The following KCNQ5 variants were observed in gnomAD, a reference collection of about 807,000 sequenced individuals.
KCNQ5 encodes potassium voltage-gated channel subfamily KQT member 5.
A neutral mutation model predicts 98.2 loss-of-function variants in KCNQ5; 30 were observed. The observed-to-expected ratio is 0.31, with a 90% CI of 0.23 to 0.41. KCNQ5 has a LOEUF of 0.41. Among genes scored for constraint, KCNQ5 ranks in the 10% least tolerant of loss-of-function variants. The pLI, the probability that KCNQ5 is intolerant of heterozygous loss-of-function variation, is 1.00. For synonymous variants in KCNQ5, 458 were observed against 449.4 expected, an observed-to-expected ratio of 1.02 and a Z score of -0.24; for missense variants, 835 against 1,182.5, an observed-to-expected ratio of 0.71 and a Z score of 4.31.
chr6:72,738,774 A>G (rs1332374180), intron 1 of KCNQ5, among the ~76,000 whole-genome samples: 1 of 152,184 alleles, frequency 6.6e-6, no homozygotes, highest in Admixed American at 6.5e-5. Context: ...TTCAATGCAT[A>G]TTACTAAGTG....
intron 6 of KCNQ5, among the ~76,000 whole-genome samples, chr6:73,108,313 C>T (rs1775086114): frequency 6.6e-6 from 1 of 152,142 alleles, no homozygotes; most frequent in Admixed American, 6.5e-5. Flanking sequence ...TTGTCTTCTG[C>T]TAGATATTCC....
intron 1 of KCNQ5, among the ~76,000 whole-genome samples, chr6:72,698,661 T>C (rs1333985019): frequency 6.9e-6 from 1 of 144,134 alleles, no homozygotes; most frequent in Non-Finnish European, 1.5e-5. Flanking sequence ...TTTTTTTTTT[T>C]TTTTTTTTTG....
intron 1 of KCNQ5, among the ~76,000 whole-genome samples, chr6:72,812,143 C>T (rs1775272658): frequency 6.6e-6 from 1 of 152,096 alleles, no homozygotes; most frequent in African/African-American, 2.4e-5. Flanking sequence ...CTTTCATTGC[C>T]GTCTTTGTTT....
At chr6:72,870,982 G>T (rs1291032534) in intron 1 of KCNQ5, among the ~76,000 whole-genome samples, 32 of 152,102 alleles carry the variant, frequency 2.1e-4, no homozygotes, top group Admixed American at 2.1e-3. Context: ...CTAAAATCTT[G>T]AAAAGAATAG....
chr6:73,193,351 G>A (rs1280556520), intron 13 of KCNQ5, among the ~76,000 whole-genome samples: 2 of 151,828 alleles, frequency 1.3e-5, no homozygotes, highest in East Asian at 3.9e-4. Flanking sequence ...AACAAGGCCG[G>A]GTGTGGTGGC....
intron 1 of KCNQ5, among the ~76,000 whole-genome samples, chr6:72,984,464 G>A (rs183382991): frequency 3.5e-4 from 53 of 152,298 alleles, no homozygotes; most frequent in East Asian, 5.8e-4. Context: ...GTTTGATCTT[G>A]GACTGCTGTG....
rs369994615 is a variant in KCNQ5 at position 72,622,089 on chromosome 6, C to G, written c.-101C>G. 26 of 1,061,078 alleles carry G rather than the reference C, an allele frequency of 2.5e-5. No individual in the cohort carries two copies. The highest frequency in any genetic ancestry group is 3.5e-4 in the Middle Eastern group (1 of 2,832). The allele number at this position is 1,061,078 out of a possible 1,614,324, so 65.7% of individuals were successfully genotyped here. A position where few individuals can be genotyped will look rare whatever the true frequency, so the allele number is the denominator to read the frequency against. On this transcript the variant is annotated 5_prime_UTR_variant, in exon 1 of 14. Coordinates refer to ENST00000370398, the MANE Select transcript of KCNQ5 (RefSeq NM_019842.4). The surrounding 1 kb of genome is among the most constrained non-coding windows in gnomAD (Gnocchi z 6.0). ...AGAGGTCTCTGGCTGGCGGGCGCCC[C>G]GTCGGCCGCCGGCTTCCTCCTTGAA... is the stretch of plus-strand genomic sequence containing the variant.
intron 1 of KCNQ5, among the ~76,000 whole-genome samples, chr6:72,779,997 G>C (rs1773377113): frequency 6.6e-6 from 1 of 152,080 alleles, no homozygotes; most frequent in Non-Finnish European, 1.5e-5. Context: ...ACCATGCTGA[G>C]CCATGAGTGG....
chr6:72,690,195 C>T (rs1168917716), intron 1 of KCNQ5, among the ~76,000 whole-genome samples: 2 of 151,882 alleles, frequency 1.3e-5, no homozygotes, highest in Non-Finnish European at 2.9e-5. Context: ...TCGCCTGAAC[C>T]CAGAAGCCAG....
At chr6:73,018,359 G>C (rs1770446396) in intron 2 of KCNQ5, among the ~76,000 whole-genome samples, 1 of 152,144 alleles carries the variant, frequency 6.6e-6, no homozygotes, top group Non-Finnish European at 1.5e-5. Context: ...CAAGTGGGCT[G>C]TGTGATGAGT....
At chr6:72,949,325 C>CA (rs969697976) in intron 1 of KCNQ5, among the ~76,000 whole-genome samples, 2 of 152,152 alleles carry the variant, frequency 1.3e-5, no homozygotes, top group African/African-American at 4.8e-5. Flanking sequence ...TTACATGTGG[C>CA]AAATAGCATT....
intron 13 of KCNQ5, among the ~76,000 whole-genome samples, chr6:73,193,924 C>A (rs1430967155): frequency 6.6e-6 from 1 of 150,388 alleles, no homozygotes; most frequent in African/African-American, 2.5e-5. Flanking sequence ...GCAGCCTCTA[C>A]CTCCTGGGCT....
chr6:72,997,550 CG>C (rs1025719278), intron 1 of KCNQ5, among the ~76,000 whole-genome samples: 1 of 150,348 alleles, frequency 6.7e-6, no homozygotes, highest in African/African-American at 2.4e-5. Context: ...TAGAGGCGGG[CG>C]GATCACGAGG....
intron 1 of KCNQ5, among the ~76,000 whole-genome samples, chr6:72,982,433 T>G (rs926251928): frequency 7.9e-5 from 12 of 152,024 alleles, no homozygotes; most frequent in Non-Finnish European, 1.5e-4. Context: ...TTGTCTCTTT[T>G]GATCTTTGTT....
chr6:72,851,193 T>C (rs1381065900), intron 1 of KCNQ5, among the ~76,000 whole-genome samples: 1 of 152,116 alleles, frequency 6.6e-6, no homozygotes, highest in African/African-American at 2.4e-5. Context: ...CATATGAAGG[T>C]TTTTTAATGG....
intron 11 of KCNQ5, among the ~76,000 whole-genome samples, chr6:73,185,224 G>A (rs1354431674): frequency 1.3e-5 from 2 of 152,254 alleles, no homozygotes; most frequent in African/African-American, 4.8e-5. Context: ...TGTTACCCAG[G>A]CTGGAGTGCA....
intron 1 of KCNQ5, among the ~76,000 whole-genome samples, chr6:72,638,609 C>T (rs6900100): frequency 6.6e-6 from 1 of 151,548 alleles, no homozygotes; most frequent in Non-Finnish European, 1.5e-5. Flanking sequence ...TACTTTTTTT[C>T]TCCAAAACAG....
chr6:73,003,859 GATA>G, intron 1 of KCNQ5, 46 bp from the exon 2 acceptor site: 1 of 1,233,374 alleles, frequency 8.1e-7, no homozygotes, highest in Non-Finnish European at 1.2e-6. Context: ...TTAAGTCTGT[GATA>G]ATAAGGTAAG....
chr6:72,770,356 A>G (rs1305053298), intron 1 of KCNQ5, among the ~76,000 whole-genome samples: 1 of 152,134 alleles, frequency 6.6e-6, no homozygotes, highest in Non-Finnish European at 1.5e-5. Context: ...AAGATGATAA[A>G]GCATTGGTAG....
Sources: gnomAD v4.1 joint callset for allele counts (sites outside exome capture counted in the v4.1 genomes callset) on GRCh38, gnomAD v4.1.1 for gene constraint, Gnocchi (gnomAD v3.1) non-coding constraint, MANE v1.5 for transcripts, NCBI Gene and HGNC (gene_info 2026-07-23, HGNC 2026-07-21) for gene names.